WDR7: variants seen among roughly 807,000 people sequenced by gnomAD.
WDR7 encodes WD repeat domain 7.
In WDR7, 46 loss-of-function variants were observed where a neutral mutation model predicts 169.4. The observed-to-expected ratio is 0.27, with a 90% CI of 0.21 to 0.35. The LOEUF is 0.35. Among genes scored for constraint, WDR7 ranks in the 10% least tolerant of loss-of-function variants. WDR7 has a pLI of 1.00. For missense variants in WDR7, 1,534 were observed against 1,859.3 expected (o/e 0.83, Z 3.22); for synonymous variants, 612 against 666.8 (o/e 0.92, Z 1.27).
chr18:56,771,043 A>G (rs907237969), intron 16 of WDR7, among the ~76,000 whole-genome samples: 2 of 152,160 alleles, frequency 1.3e-5, no homozygotes, highest in South Asian at 4.1e-4. Flanking sequence ...TTTATTCCCT[A>G]CAACAACTGA....
At chr18:56,692,266 T>A (rs1183670247) in intron 9 of WDR7, among the ~76,000 whole-genome samples, 4 of 152,132 alleles carry the variant, frequency 2.6e-5, no homozygotes, top group African/African-American at 9.7e-5. Flanking sequence ...CATTAGAAAC[T>A]AGAAATAAAG....
At chr18:56,699,011 C>A (rs572936590) in intron 12 of WDR7, among the ~76,000 whole-genome samples, 1 of 151,696 alleles carries the variant, frequency 6.6e-6, no homozygotes, top group Non-Finnish European at 1.5e-5. Context: ...TGTGCATGTA[C>A]CCCTGAACTT....
intron 27 of WDR7, among the ~76,000 whole-genome samples, chr18:57,024,280 C>T (rs530470287): frequency 3.9e-5 from 6 of 152,240 alleles, no homozygotes; most frequent in Non-Finnish European, 7.4e-5. Flanking sequence ...TGTCCTTACT[C>T]GAGCATCGTT....
At chr18:56,776,026 A>G (rs1283985160) in intron 16 of WDR7, among the ~76,000 whole-genome samples, 1 of 152,178 alleles carries the variant, frequency 6.6e-6, no homozygotes, top group Admixed American at 6.5e-5. Context: ...TGTGTGTGCC[A>G]TACGGTCCTT....
At chr18:56,795,409 T>C (rs2044567017) in intron 19 of WDR7, among the ~76,000 whole-genome samples, 1 of 152,224 alleles carries the variant, frequency 6.6e-6, no homozygotes, top group African/African-American at 2.4e-5. Context: ...GCTTGCCTTT[T>C]TGGTAGATGC....
intron 20 of WDR7, among the ~76,000 whole-genome samples, chr18:56,869,771 T>A (rs1470228574): frequency 6.6e-6 from 1 of 152,236 alleles, no homozygotes; most frequent in Admixed American, 6.5e-5. Context: ...GAAATTTACA[T>A]GTTGGCCATA....
intron 20 of WDR7, among the ~76,000 whole-genome samples, chr18:56,826,401 C>T (rs542702436): frequency 5.7e-4 from 86 of 152,212 alleles, no homozygotes; most frequent in African/African-American, 2.0e-3. Context: ...TCTGAAGACT[C>T]CTTCTTCCTG....
chr18:56,737,262 A>C (rs2026720810), intron 14 of WDR7, among the ~76,000 whole-genome samples: 1 of 152,222 alleles, frequency 6.6e-6, no homozygotes, highest in South Asian at 2.1e-4. Flanking sequence ...AGATGGGCTG[A>C]GCATATCCGG....
At chr18:56,770,291 G>C (rs900947325) in intron 16 of WDR7, among the ~76,000 whole-genome samples, 1 of 152,156 alleles carries the variant, frequency 6.6e-6, no homozygotes, top group African/African-American at 2.4e-5. Context: ...TCTTATCTTT[G>C]TGTGTTTTTG....
intron 26 of WDR7, among the ~76,000 whole-genome samples, chr18:56,968,477 A>G (rs2047441979): frequency 6.6e-6 from 1 of 152,202 alleles, no homozygotes; most frequent in African/African-American, 2.4e-5. Context: ...ATATCTTTTC[A>G]GAAAAAGCAT....
intron 25 of WDR7, among the ~76,000 whole-genome samples, chr18:56,950,260 C>T (rs1309238024): frequency 6.6e-6 from 1 of 152,148 alleles, no homozygotes; most frequent in Non-Finnish European, 1.5e-5. Flanking sequence ...ATAACTTTTT[C>T]ATCATGGATA....
intron 19 of WDR7, among the ~76,000 whole-genome samples, chr18:56,795,073 G>A (rs949751616): frequency 2.0e-5 from 3 of 152,174 alleles, no homozygotes; most frequent in Non-Finnish European, 4.4e-5. Flanking sequence ...ACAGAACAAA[G>A]ACTCGAAGTG....
chr18:56,874,299 A>C (rs985077467), intron 20 of WDR7, among the ~76,000 whole-genome samples: 10 of 151,994 alleles, frequency 6.6e-5, no homozygotes, highest in Admixed American at 3.9e-4. Flanking sequence ...ATGGTTACGC[A>C]TTTAGGTGGT....
At chr18:57,016,966 A>G (rs894876371) in intron 26 of WDR7, among the ~76,000 whole-genome samples, 2 of 152,246 alleles carry the variant, frequency 1.3e-5, no homozygotes, top group African/African-American at 4.8e-5. Flanking sequence ...AAAGTCTACC[A>G]AACCTCTATT....
rs1035097572 is a variant in WDR7 at position 56,906,427 on chromosome 18, A to G, written c.3527-17495A>G. On this transcript the variant is annotated intron_variant, in intron 21 of 27. Coordinates refer to ENST00000254442, the MANE Select transcript of WDR7 (RefSeq NM_015285.3). The stretch of plus-strand genomic sequence containing the variant: ...CAAGAGAGGGCATTAAAGAGGGGGA[A>G]GCAAATGAGAGTGTGGATGAAACAA... Among the ~76,000 whole-genome samples the G allele has an allele frequency of 4.6e-5, 7 of 152,178 alleles. 1 individual carries two copies. Among genetic ancestry groups the G allele is most frequent in the African/African-American group, 1.7e-4 (7 of 41,450 alleles).
intron 16 of WDR7, among the ~76,000 whole-genome samples, chr18:56,773,265 G>A (rs891041830): frequency 2.0e-5 from 3 of 152,230 alleles, no homozygotes; most frequent in African/African-American, 7.2e-5. Flanking sequence ...CTAAAGGGTA[G>A]CATTGTAACG....
chr18:56,681,384 G>A lies in WDR7; in HGVS notation c.338G>A (p.Gly113Asp), dbSNP rs754879153. 5 of 1,580,356 alleles carry A rather than the reference G, an allele frequency of 3.2e-6. No homozygotes were observed. The highest frequency in any genetic ancestry group is 3.4e-6 in the Non-Finnish European group (4 of 1,168,768). The change falls in exon 4 of 28, where the codon GGC becomes GAC. Residue 113 changes from glycine (G) to aspartate (D), a missense_variant. Gly to Asp is a moderately conservative substitution (Grantham distance 94). Transcript: ENST00000254442. The part of the protein sequence containing the change: ...EFTKLACTHT[G>D]IQFYQFSVGN... ...ACAAAATTAGCTTGCACACATACTG[G>A]CATACAGGTTAGTTTCTATTTCTGT...
At position 57,020,815 on chromosome 18, in the gene WDR7, A is replaced by T; in HGVS notation, c.4235A>T (p.Tyr1412Phe). The T allele has an allele frequency of 6.2e-7, 1 of 1,614,162 alleles. No homozygotes were observed. The highest frequency in any genetic ancestry group is 8.5e-7 in the Non-Finnish European group (1 of 1,180,014). The change falls in exon 27 of 28, where the codon TAC (tyrosine) becomes TTC (phenylalanine). Residue 1412 changes from tyrosine to phenylalanine, a missense_variant. Coordinates refer to ENST00000254442, the MANE Select transcript of WDR7 (RefSeq NM_015285.3). ...FAPDGRYLAT[Y>F]SNTDSHISFW... ...CCTGATGGAAGATATCTTGCCACCT[A>T]CTCAAACACTGACAGCCACATTTCT... is the stretch of plus-strand genomic sequence containing the variant.
At chr18:57,031,684 TG>T (rs1331986678), downstream of WDR7, 20 of 152,374 alleles carry the variant, frequency 1.3e-4, no homozygotes, top group African/African-American at 4.6e-4. Flanking sequence ...TATTTTGTTT[TG>T]TTTCAAAAAG....
Sources: gnomAD v4.1 joint callset for allele counts (sites outside exome capture counted in the v4.1 genomes callset) on GRCh38, gnomAD v4.1.1 for gene constraint, MANE v1.5 for transcripts, NCBI Gene and HGNC (gene_info 2026-07-23, HGNC 2026-07-21) for gene names.